RPS6KA5: variants seen among roughly 807,000 people sequenced by gnomAD.
The protein encoded by RPS6KA5 is ribosomal protein S6 kinase alpha-5.
A neutral mutation model predicts 85.5 loss-of-function variants in RPS6KA5; 27 were observed. The observed-to-expected ratio is 0.32, with a 90% CI of 0.23 to 0.44. The LOEUF is 0.44. Among genes scored for constraint, RPS6KA5 ranks in the 20% least tolerant of loss-of-function variants. The probability of loss-of-function intolerance (pLI) is 1.00; values close to 1 mark genes in which losing one functional copy is unlikely to be tolerated. For synonymous variants in RPS6KA5, 334 were observed against 348.2 expected (o/e 0.96, Z 0.46); for missense variants, 811 against 980.9 (o/e 0.83, Z 2.31).
chr14:90,890,150 G>A (rs1249523934), intron 14 of RPS6KA5, among the ~76,000 whole-genome samples: 1 of 152,062 alleles, frequency 6.6e-6, no homozygotes, highest in African/African-American at 2.4e-5. Flanking sequence ...TTTTAAAAAT[G>A]TTTTTCTATT....
At chr14:90,922,929 T>C (rs1289501203) in intron 6 of RPS6KA5, among the ~76,000 whole-genome samples, 184 bp downstream of exon 6, 1 of 152,130 alleles carries the variant, frequency 6.6e-6, no homozygotes, top group Non-Finnish European at 1.5e-5. Context: ...GTATTATCTT[T>C]TTCCTCCAAA....
intron 3 of RPS6KA5, among the ~76,000 whole-genome samples, chr14:90,955,982 T>C (rs2038486887): frequency 1.3e-5 from 2 of 152,166 alleles, no homozygotes; most frequent in Admixed American, 6.5e-5. Context: ...TCAAAAATAT[T>C]CAGAAATGTA....
intron 1 of RPS6KA5, among the ~76,000 whole-genome samples, chr14:91,033,049 T>C (rs1370195689): frequency 6.6e-6 from 1 of 151,710 alleles, no homozygotes; most frequent in Non-Finnish European, 1.5e-5. Flanking sequence ...TAGCTGGACG[T>C]GGTGGTGGGC....
intron 12 of RPS6KA5, among the ~76,000 whole-genome samples, chr14:90,898,473 G>C (rs1470482102): frequency 6.6e-6 from 1 of 152,212 alleles, no homozygotes. Context: ...TATTACAACA[G>C]CACAACAAAG....
At chr14:90,931,311 T>A (rs143644515) in intron 5 of RPS6KA5, among the ~76,000 whole-genome samples, 53 of 152,174 alleles carry the variant, frequency 3.5e-4, no homozygotes, top group African/African-American at 1.2e-3. Flanking sequence ...ACAACTCCAC[T>A]GACATGGGAT....
At chr14:91,040,197 G>A (rs1173721365) in intron 1 of RPS6KA5, among the ~76,000 whole-genome samples, 1 of 152,168 alleles carries the variant, frequency 6.6e-6, no homozygotes, top group Non-Finnish European at 1.5e-5. Flanking sequence ...ACTTGAGGTC[G>A]AGAGTTTGAG....
At chr14:90,928,072 C>T (rs1019494814) in intron 5 of RPS6KA5, among the ~76,000 whole-genome samples, 2 of 151,488 alleles carry the variant, frequency 1.3e-5, no homozygotes, top group African/African-American at 4.8e-5. Context: ...AGTAGCTGGG[C>T]TCTTGCTACC....
chr14:91,006,216 G>A (rs1673902757), intron 1 of RPS6KA5, among the ~76,000 whole-genome samples: 2 of 152,068 alleles, frequency 1.3e-5, no homozygotes, highest in South Asian at 4.1e-4. Flanking sequence ...TCCCCACAAG[G>A]CCTCTTTGGT....
chr14:90,964,660 T>C lies in RPS6KA5; in HGVS notation c.394+13646A>G, dbSNP rs114219880. On this transcript the variant is annotated intron_variant, in intron 3 of 16. Coordinates refer to ENST00000614987, the MANE Select transcript of RPS6KA5 (RefSeq NM_004755.4). ...TGCATGTGGTGGCTCACATCTGTAA[T>C]CACAGCACTTTGGGAGACTGAGATG... Among the ~76,000 whole-genome samples the C allele has an allele frequency of 4.0e-3, 611 of 152,222 alleles. 8 individuals carry two copies. Among genetic ancestry groups the C allele is most frequent in the African/African-American group, 0.014 (571 of 41,532 alleles).
chr14:90,871,924 G>A lies in RPS6KA5; in HGVS notation c.*150C>T. On this transcript the variant is annotated 3_prime_UTR_variant, in exon 17 of 17. Coordinates refer to ENST00000614987, the MANE Select transcript of RPS6KA5 (RefSeq NM_004755.4). ...TCTCTGTCCAGTGCTTTTGAATGAGGATAACCAAACAGGTTTTCCTGAAAA... is the reference window on the plus strand; with the variant it reads ...TCTCTGTCCAGTGCTTTTGAATGAGAATAACCAAACAGGTTTTCCTGAAAA... 1 of 999,010 alleles carries A rather than the reference G, an allele frequency of 1.0e-6. No individual in the cohort carries two copies. The highest frequency in any genetic ancestry group is 1.5e-6 in the Non-Finnish European group (1 of 676,454). 61.9% of individuals were successfully genotyped at this position (999,010 alleles called of 1,614,324 possible). A position where few individuals can be genotyped will look rare whatever the true frequency, so the allele number is the denominator to read the frequency against.
chr14:90,920,241 A>G lies in RPS6KA5; in HGVS notation c.771T>C (p.Val257=). The G allele has an allele frequency of 6.2e-7, 1 of 1,612,120 alleles. No homozygotes were observed. The highest frequency in any genetic ancestry group is 8.5e-7 in the Non-Finnish European group (1 of 1,178,578). Residue 257 remains valine, a synonymous_variant, in exon 7 of 17, where the codon GTT becomes GTC. Transcript: ENST00000614987. ...ELLTGASPFT[V]DGEKNSQAEI... is the part of the protein sequence containing the mutation. ...CAGCTTGGGAATTTTTTTCTCCATC[A>G]ACAGTGAAAGGAGATGCTCCAGTTA...
intron 7 of RPS6KA5, among the ~76,000 whole-genome samples, chr14:90,915,798 C>T (rs1302269033): frequency 6.6e-6 from 1 of 151,688 alleles, no homozygotes; most frequent in African/African-American, 2.4e-5. Flanking sequence ...GAGTGAGACT[C>T]TGTCTCAACA....
chr14:90,983,537 T>C (rs2039899775), intron 2 of RPS6KA5, among the ~76,000 whole-genome samples: 1 of 150,060 alleles, frequency 6.7e-6, no homozygotes, highest in East Asian at 2.0e-4. Flanking sequence ...GAGGCAGAAG[T>C]TGCAGAGAGC....
At chr14:91,048,110 G>A (rs940963707) in intron 1 of RPS6KA5, among the ~76,000 whole-genome samples, 2 of 152,138 alleles carry the variant, frequency 1.3e-5, no homozygotes, top group African/African-American at 4.8e-5. Context: ...TATCTTGGGG[G>A]AGTGGTCATT....
chr14:90,911,305 C>T (rs898776228), intron 7 of RPS6KA5: 6 of 152,228 alleles, frequency 3.9e-5, no homozygotes, highest in Admixed American at 6.5e-5. Flanking sequence ...CTTACTGTAT[C>T]TTGCCCACTC....
intron 1 of RPS6KA5, among the ~76,000 whole-genome samples, chr14:91,030,611 GAAAAAAAAAAAAAAAAAAA>G (rs58737573): frequency 0.15 from 3,269 of 22,416 alleles, 199 homozygotes; most frequent in Middle Eastern, 0.5. Context: ...AAAATAAACA[GAAAAAAAAAAAAAAAAAAA>G]AAAAAAAAAG....
At chr14:90,926,835 G>C (rs553555286) in intron 5 of RPS6KA5, among the ~76,000 whole-genome samples, 1 of 151,850 alleles carries the variant, frequency 6.6e-6, no homozygotes, top group Non-Finnish European at 1.5e-5. Flanking sequence ...GAAATCTAAC[G>C]TATGTATTTC....
intron 14 of RPS6KA5, among the ~76,000 whole-genome samples, chr14:90,890,170 T>C (rs1286252): frequency 0.38 from 57,413 of 152,098 alleles, 11,693 homozygotes; most frequent in African/African-American, 0.53. Context: ...TGATGAATCA[T>C]TTTGCTATTT....
intron 3 of RPS6KA5, among the ~76,000 whole-genome samples, chr14:90,963,737 A>C (rs2038921873): frequency 6.6e-6 from 1 of 152,212 alleles, no homozygotes; most frequent in Non-Finnish European, 1.5e-5. Flanking sequence ...ATGGGATAGC[A>C]GAGTATCAGA....
Sources: gnomAD v4.1 joint callset for allele counts (sites outside exome capture counted in the v4.1 genomes callset) on GRCh38, gnomAD v4.1.1 for gene constraint, MANE v1.5 for transcripts, NCBI Gene and HGNC (gene_info 2026-07-23, HGNC 2026-07-21) for gene names.